The following CHL1 variants were observed in gnomAD, a reference collection of about 807,000 sequenced individuals.
CHL1 encodes the protein cell adhesion molecule L1 like.
Under a neutral mutation model 141.9 loss-of-function variants are expected in CHL1, and 96 were observed. The observed-to-expected ratio is 0.68, with a 90% CI of 0.57 to 0.80. The LOEUF is 0.80. Ranked by LOEUF, CHL1 falls within the 30% of genes least tolerant of loss-of-function variation. The probability of loss-of-function intolerance (pLI) is 0.00; values close to 1 mark genes in which losing one functional copy is unlikely to be tolerated. For missense variants in CHL1, 1,820 were observed against 1,457.2 expected (o/e 1.25, Z -4.05); for synonymous variants, 613 against 502.2 (o/e 1.22, Z -2.95).
chr3:217,381 A>T (rs765639747), intron 1 of CHL1, among the ~76,000 whole-genome samples: 1 of 152,200 alleles, frequency 6.6e-6, no homozygotes. Flanking sequence ...TGAGGAAGAC[A>T]GATTTCCTGC....
chr3:391,928 C>A (rs1039633742), intron 23 of CHL1, 131 bp downstream of exon 23: 2 of 698,398 alleles, frequency 2.9e-6, no homozygotes, highest in Non-Finnish European at 4.4e-6. Context: ...TCCTTGTAGC[C>A]CAGGGGTCTG....
rs1001370764 is a variant in CHL1, at chr3:284,996, T to C, written c.-94-34687T>C. ...TGAATATTTCCCTTATAAATAGATG[T>C]CTAAAATGAACTATTTTGCATATGC... On this transcript the variant is annotated intron_variant, in intron 2 of 27. Coordinates refer to ENST00000256509, the MANE Select transcript of CHL1 (RefSeq NM_006614.4). Among the ~76,000 whole-genome samples the C allele has an allele frequency of 3.3e-5, 5 of 152,218 alleles. 1 individual carries two copies. Among genetic ancestry groups the C allele is most frequent in the Non-Finnish European group, 7.4e-5 (5 of 68,024 alleles).
chr3:323,566 G>T (rs533596928), intron 3 of CHL1, among the ~76,000 whole-genome samples: 28 of 152,180 alleles, frequency 1.8e-4, no homozygotes, highest in African/African-American at 6.7e-4. Context: ...AACTACACTT[G>T]TATCTACAAT....
intron 2 of CHL1, among the ~76,000 whole-genome samples, chr3:314,129 T>G (rs1166921677): frequency 2.0e-5 from 3 of 151,840 alleles, no homozygotes; most frequent in Non-Finnish European, 4.4e-5. Flanking sequence ...GCAGGCATTC[T>G]CAAGATTTTG....
chr3:220,404 G>C (rs1461602815), intron 1 of CHL1, among the ~76,000 whole-genome samples: 1 of 152,150 alleles, frequency 6.6e-6, no homozygotes, highest in African/African-American at 2.4e-5. Flanking sequence ...GGAAATTCGA[G>C]GCTGTAGCAT....
chr3:388,573 G>A (rs919017753), intron 19 of CHL1, among the ~76,000 whole-genome samples: 3 of 147,906 alleles, frequency 2.0e-5, no homozygotes, highest in Non-Finnish European at 4.5e-5. Flanking sequence ...AAAAAGAAAC[G>A]AAAAAAAAAG....
At chr3:262,639 CAG>C (rs1305673986) in intron 2 of CHL1, among the ~76,000 whole-genome samples, 1 of 152,176 alleles carries the variant, frequency 6.6e-6, no homozygotes, top group Non-Finnish European at 1.5e-5. Flanking sequence ...TATAAGACAA[CAG>C]GGAGTGGTAA....
intron 2 of CHL1, among the ~76,000 whole-genome samples, chr3:252,160 C>G (rs1693743610): frequency 6.6e-6 from 1 of 151,436 alleles, no homozygotes; most frequent in African/African-American, 2.4e-5. Context: ...ATTTCTAAAT[C>G]TAGAAAAGGG....
At chr3:356,108 A>G (rs983682313) in intron 11 of CHL1, among the ~76,000 whole-genome samples, 1 of 152,162 alleles carries the variant, frequency 6.6e-6, no homozygotes, top group Non-Finnish European at 1.5e-5. Flanking sequence ...AGTCCTCATT[A>G]TTAACTATCT....
intron 15 of CHL1, among the ~76,000 whole-genome samples, chr3:370,732 T>C (rs1358123765): frequency 6.6e-6 from 1 of 152,242 alleles, no homozygotes; most frequent in African/African-American, 2.4e-5. Context: ...AGCTTTCTGA[T>C]GTGGGCATTT....
At position 286,479 on chromosome 3, in the gene CHL1, C is replaced by T. The variant is rs11921156; in HGVS notation, c.-94-33204C>T. On this transcript the variant is annotated intron_variant, in intron 2 of 27. Coordinates refer to ENST00000256509, the MANE Select transcript of CHL1 (RefSeq NM_006614.4). ...TACAAAAATTAGCCAGGCATGGTGA[C>T]GCACCCCTGTAATCCCAGCTACTTG... is the stretch of plus-strand genomic sequence containing the variant. Among the ~76,000 whole-genome samples the T allele has an allele frequency of 4.0e-3, 614 of 151,864 alleles. 6 individuals are homozygous for T. The highest frequency in any genetic ancestry group is 0.012 in the East Asian group (64 of 5,170).
chr3:380,082 T>A (rs370234722), intron 16 of CHL1, among the ~76,000 whole-genome samples: 1 of 152,206 alleles, frequency 6.6e-6, no homozygotes, highest in African/African-American at 2.4e-5. Flanking sequence ...CAGATTTTAA[T>A]ATCAGATGCA....
At chr3:320,139 C>T (rs1024729375) in intron 3 of CHL1, among the ~76,000 whole-genome samples, 1 of 151,928 alleles carries the variant, frequency 6.6e-6, no homozygotes, top group African/African-American at 2.4e-5. Context: ...AGTATTTTTC[C>T]ATATGTCTTG....
chr3:294,442 A>G (rs1697998349), intron 2 of CHL1, among the ~76,000 whole-genome samples: 1 of 152,218 alleles, frequency 6.6e-6, no homozygotes, highest in African/African-American at 2.4e-5. Flanking sequence ...ATGTAATATT[A>G]TTTAATTGTA....
intron 1 of CHL1, among the ~76,000 whole-genome samples, chr3:231,565 T>G (rs1701857408): frequency 6.9e-6 from 1 of 145,390 alleles, no homozygotes; most frequent in African/African-American, 2.5e-5. Flanking sequence ...TTTTAAAACC[T>G]TATTTCTTCC....
chr3:354,866 G>A, intron 11 of CHL1, 95 bp downstream of exon 11: 1 of 1,492,116 alleles, frequency 6.7e-7, no homozygotes, highest in South Asian at 1.3e-5. Context: ...TTGGTATGTG[G>A]TTGGATTAGC....
At position 196,959 on chromosome 3, in the gene CHL1, G is replaced by T. The variant is rs1482859070; in HGVS notation, c.-279G>T. On this transcript the variant is annotated 5_prime_UTR_variant, in exon 1 of 28. Coordinates refer to ENST00000256509, the MANE Select transcript of CHL1 (RefSeq NM_006614.4). ...GCGAGACCCTCCCTGGATCCGCCCA[G>T]AGCTTACCGGACCCTGCGCGCCCCC... is the stretch of plus-strand genomic sequence containing the variant. The T allele has an allele frequency of 3.9e-5, 6 of 152,408 alleles. No individual in the cohort carries two copies. Among genetic ancestry groups the T allele is most frequent in the Admixed American group, 6.5e-5 (1 of 15,306 alleles). 9.4% of individuals were successfully genotyped at this position (152,408 alleles called of 1,614,324 possible). A position where few individuals can be genotyped will look rare whatever the true frequency, so the allele number is the denominator to read the frequency against.
At chr3:337,527 C>G (rs562503650) in intron 5 of CHL1, among the ~76,000 whole-genome samples, 1 of 151,254 alleles carries the variant, frequency 6.6e-6, no homozygotes, top group Admixed American at 6.6e-5. Context: ...TCCCCCCACC[C>G]CACAACAGGC....
intron 2 of CHL1, among the ~76,000 whole-genome samples, chr3:277,778 G>C (rs1361144516): frequency 1.3e-5 from 2 of 152,106 alleles, no homozygotes; most frequent in African/African-American, 4.8e-5. Flanking sequence ...ATTTGGAATT[G>C]TTATTGGAAA....
Sources: allele counts gnomAD v4.1 joint callset (sites outside exome capture counted in the v4.1 genomes callset), GRCh38; gene constraint gnomAD v4.1.1; transcripts MANE v1.5; gene names NCBI Gene and HGNC (gene_info 2026-07-23, HGNC 2026-07-21).